NCAM1: variants seen among roughly 807,000 people sequenced by gnomAD.
NCAM1 encodes the protein antigen recognized by monoclonal antibody 5.1H11.
NCAM1 carries 14 observed loss-of-function variants against 109.8 expected under a neutral mutation model. The ratio of observed to expected loss-of-function variants is 0.13; its 90% CI spans 0.08 to 0.20. The LOEUF (loss-of-function observed/expected upper bound fraction) is 0.20, where lower values mean the gene tolerates loss of function less well. Ranked by LOEUF, NCAM1 falls within the 10% of genes least tolerant of loss-of-function variation. NCAM1 has a pLI of 1.00. For missense variants in NCAM1, 774 were observed against 1,109.9 expected, an observed-to-expected ratio of 0.70 and a Z score of 4.30; for synonymous variants, 418 against 442.9, an observed-to-expected ratio of 0.94 and a Z score of 0.70.
At chr11:113,200,411 T>G (rs1413989065) in intron 1 of NCAM1, among the ~76,000 whole-genome samples, 2 of 152,158 alleles carry the variant, frequency 1.3e-5, no homozygotes, top group Admixed American at 1.3e-4. Context: ...ATTCATGGGC[T>G]CTCTGTGTTC....
In NCAM1 at chr11:113,274,432, T is replaced by C. The variant is rs1946362636; in HGVS notation, c.2457-835T>C. ...CAGCTGAGGCTGGGGTCTGTGCCTGTCCCCATGCATCCTCAGACCCGACTC... is the reference window on the plus strand; with the variant it reads ...CAGCTGAGGCTGGGGTCTGTGCCTGCCCCCATGCATCCTCAGACCCGACTC... On this transcript the variant is annotated intron_variant, in intron 19 of 19. Transcript: ENST00000316851. This position sits in a 1 kb window ranked among gnomAD's most constrained non-coding sequence, Gnocchi z 4.1. 6.6e-6 allele frequency among the ~76,000 whole-genome samples: 1 copy of C among 152,192 alleles called. No homozygotes were observed. The highest frequency in any genetic ancestry group is 6.5e-5 in the Admixed American group (1 of 15,286).
At chr11:113,275,139 A>C in intron 19 of NCAM1, 128 bp from the exon 20 acceptor site, 3 of 1,246,224 alleles carry the variant, frequency 2.4e-6, no homozygotes, top group Non-Finnish European at 3.3e-6. Flanking sequence ...TTTGACGGGC[A>C]GAGGTTGGAG....
intron 5 of NCAM1, among the ~76,000 whole-genome samples, 160 bp from the exon 6 acceptor site, chr11:113,207,101 G>A (rs1398166955): frequency 6.6e-6 from 1 of 152,192 alleles, no homozygotes; most frequent in African/African-American, 2.4e-5. Flanking sequence ...AAGTTATTTA[G>A]TACATACATG....
At chr11:113,101,237 G>A (rs1372801009) in intron 1 of NCAM1, among the ~76,000 whole-genome samples, 1 of 152,140 alleles carries the variant, frequency 6.6e-6, no homozygotes, top group Non-Finnish European at 1.5e-5. Flanking sequence ...ACCACCTAGA[G>A]TTCCTATGGC....
intron 1 of NCAM1, among the ~76,000 whole-genome samples, chr11:113,010,484 A>T (rs968189439): frequency 3.9e-5 from 6 of 152,116 alleles, no homozygotes; most frequent in Non-Finnish European, 5.9e-5. Flanking sequence ...TAATAAAACC[A>T]CCTCACCTGT....
intron 9 of NCAM1, among the ~76,000 whole-genome samples, chr11:113,223,076 A>G (rs1477256199): frequency 6.6e-6 from 1 of 152,138 alleles, no homozygotes; most frequent in African/African-American, 2.4e-5. Flanking sequence ...ATTATCATTA[A>G]CCTTCATATT....
At chr11:113,103,801 T>A (rs2853192) in intron 1 of NCAM1, among the ~76,000 whole-genome samples, 1 of 151,992 alleles carries the variant, frequency 6.6e-6, no homozygotes, top group Admixed American at 6.6e-5. Context: ...GAAGTAACCG[T>A]GGGCGATATG....
chr11:113,168,444 C>A (rs1555105640), intron 1 of NCAM1, among the ~76,000 whole-genome samples: 2 of 152,154 alleles, frequency 1.3e-5, no homozygotes, highest in African/African-American at 4.8e-5. Flanking sequence ...TCGTGACTAG[C>A]TCAGTTCTGA....
At chr11:113,126,515 T>A (rs1555097126) in intron 1 of NCAM1, among the ~76,000 whole-genome samples, 1 of 152,208 alleles carries the variant, frequency 6.6e-6, no homozygotes, top group East Asian at 1.9e-4. Context: ...CAGTTTCCGA[T>A]GCTTATCACC....
rs1946324220 is a variant in NCAM1 at position 113,273,194 on chromosome 11, C to T, written c.2456+1318C>T. On this transcript the variant is annotated intron_variant, in intron 19 of 19. Coordinates refer to ENST00000316851, the MANE Select transcript of NCAM1 (RefSeq NM_181351.5). This position sits in a 1 kb window ranked among gnomAD's most constrained non-coding sequence, Gnocchi z 6.0. ...CGGCCCCAGCTTCAGCCCCCAAGGT[C>T]GCCCCCCTCGTTGACCTGAGCGACA... is the stretch of plus-strand genomic sequence containing the variant. The T allele has an allele frequency of 1.0e-5, 4 of 387,736 alleles. No individual in the cohort carries two copies. The highest frequency in any genetic ancestry group is 5.7e-5 in the South Asian group (3 of 52,748). The allele number at this position is 387,736 out of a possible 1,614,324, so 24.0% of individuals were successfully genotyped here. A position where few individuals can be genotyped will look rare whatever the true frequency, so the allele number is the denominator to read the frequency against.
At chr11:113,077,875 C>G (rs1336712846) in intron 1 of NCAM1, among the ~76,000 whole-genome samples, 1 of 151,960 alleles carries the variant, frequency 6.6e-6, no homozygotes, top group East Asian at 1.9e-4. Context: ...TTAGTAGAGA[C>G]AGGGTTTCAT....
In NCAM1 at chr11:113,276,651, A is replaced by C. The variant is rs1484206340; in HGVS notation, c.*1264A>C. ...TTGAGCGGAAGAGCATGTGTGCTTC[A>C]GGGAATTAGTGTCTTTTTTTGGAAA... On this transcript the variant is annotated 3_prime_UTR_variant, in exon 20 of 20. Transcript: ENST00000316851. 6.6e-6 allele frequency: 1 copy of C among 152,630 alleles called. No individual in the cohort carries two copies. Among genetic ancestry groups the C allele is most frequent in the Non-Finnish European group, 1.5e-5 (1 of 68,054 alleles). The allele number at this position is 152,630 out of a possible 1,614,324, so 9.5% of individuals were successfully genotyped here. A position where few individuals can be genotyped will look rare whatever the true frequency, so the allele number is the denominator to read the frequency against.
intron 1 of NCAM1, among the ~76,000 whole-genome samples, chr11:112,984,266 A>G (rs1194584850): frequency 6.6e-6 from 1 of 151,854 alleles, no homozygotes; most frequent in Non-Finnish European, 1.5e-5. Context: ...TAATATTCAT[A>G]TATATATATG....
chr11:113,102,713 A>G (rs1465833738), intron 1 of NCAM1, among the ~76,000 whole-genome samples: 6 of 152,354 alleles, frequency 3.9e-5, no homozygotes, highest in African/African-American at 1.4e-4. Flanking sequence ...AGCAACGTAG[A>G]CCATTATTCT....
chr11:113,157,670 ATATT>A (rs1210020275), intron 1 of NCAM1, among the ~76,000 whole-genome samples: 7 of 152,166 alleles, frequency 4.6e-5, no homozygotes, highest in Admixed American at 6.6e-5. Context: ...AAAAACTTAA[ATATT>A]TATTTATTAA....
At chr11:113,082,859 G>A (rs547240243) in intron 1 of NCAM1, among the ~76,000 whole-genome samples, 1 of 152,284 alleles carries the variant, frequency 6.6e-6, no homozygotes, top group African/African-American at 2.4e-5. Context: ...TTGAATAAAT[G>A]AGCAAGGTGC....
chr11:113,201,190 G>A (rs1555111750), intron 1 of NCAM1, among the ~76,000 whole-genome samples: 2 of 152,116 alleles, frequency 1.3e-5, no homozygotes, highest in South Asian at 2.1e-4. Context: ...CCCCAAGCAG[G>A]CCCTCTAATC....
intron 1 of NCAM1, among the ~76,000 whole-genome samples, chr11:113,159,930 C>G (rs936952654): frequency 6.9e-6 from 1 of 145,486 alleles, no homozygotes; most frequent in African/African-American, 2.6e-5. Flanking sequence ...GTAGTTGTAG[C>G]TTTTAGCAAT....
At chr11:112,981,915 C>G (rs1286995859) in intron 1 of NCAM1, among the ~76,000 whole-genome samples, 3 of 151,792 alleles carry the variant, frequency 2.0e-5, no homozygotes, top group African/African-American at 7.3e-5. Context: ...CTAGGTGGCT[C>G]TCTTTTTTTT....
Sources: gnomAD v4.1 joint callset for allele counts (sites outside exome capture counted in the v4.1 genomes callset) on GRCh38, gnomAD v4.1.1 for gene constraint, Gnocchi (gnomAD v3.1) non-coding constraint, MANE v1.5 for transcripts, NCBI Gene and HGNC (gene_info 2026-07-23, HGNC 2026-07-21) for gene names.